The following MGAT5 variants were observed in gnomAD, a reference collection of about 807,000 sequenced individuals.
MGAT5 encodes the protein alpha-1,6-mannosylglycoprotein 6-beta-N-acetylglucosaminyltransferase A.
MGAT5 carries 30 observed loss-of-function variants against 94.3 expected under a neutral mutation model. The ratio of observed to expected loss-of-function variants is 0.32; its 90% CI spans 0.24 to 0.43. The LOEUF is 0.43. Ranked by LOEUF, MGAT5 falls within the 20% of genes least tolerant of loss-of-function variation. The probability of loss-of-function intolerance (pLI) is 1.00; values close to 1 mark genes in which losing one functional copy is unlikely to be tolerated. For missense variants in MGAT5, 691 were observed against 905.5 expected (o/e 0.76, Z 3.04); for synonymous variants, 310 against 322.9 (o/e 0.96, Z 0.43).
intron 1 of MGAT5, among the ~76,000 whole-genome samples, chr2:134,269,160 A>T (rs902512034): frequency 6.6e-6 from 1 of 152,318 alleles, no homozygotes; most frequent in Non-Finnish European, 1.5e-5. Flanking sequence ...AAAGAGGTTT[A>T]TTTGGCTCAA....
intron 1 of MGAT5, among the ~76,000 whole-genome samples, chr2:134,125,450 C>T (rs1685799412): frequency 6.6e-6 from 1 of 152,124 alleles, no homozygotes; most frequent in Admixed American, 6.5e-5. Flanking sequence ...GCCGAGAGGG[C>T]TTCATAGATA....
chr2:134,293,556 C>T (rs916973262), intron 2 of MGAT5, among the ~76,000 whole-genome samples: 4 of 152,088 alleles, frequency 2.6e-5, no homozygotes, highest in Non-Finnish European at 5.9e-5. Context: ...GCAACCTCTG[C>T]CCACCAGGCT....
At chr2:134,445,405 C>T (rs1685714448) in intron 15 of MGAT5, among the ~76,000 whole-genome samples, 2 of 151,734 alleles carry the variant, frequency 1.3e-5, no homozygotes, top group African/African-American at 4.8e-5. Flanking sequence ...ACAGAGCCCT[C>T]AAGAGAGGGG....
At chr2:134,375,858 TAGTGCTGGCTTTCACC>T (rs1681136432) in intron 10 of MGAT5, among the ~76,000 whole-genome samples, 1 of 152,170 alleles carries the variant, frequency 6.6e-6, no homozygotes, top group South Asian at 2.1e-4. Flanking sequence ...AGAAAGTCAG[TAGTGCTGGCTTTCACC>T]AAGTATTTTC....
chr2:134,222,859 A>G (rs1680859305), intron 1 of MGAT5, among the ~76,000 whole-genome samples: 1 of 149,174 alleles, frequency 6.7e-6, no homozygotes, highest in African/African-American at 2.5e-5. Flanking sequence ...ATAAAACCAA[A>G]AGGCAAAGTT....
chr2:134,183,616 A>G (rs1056025559), intron 1 of MGAT5, among the ~76,000 whole-genome samples: 1 of 152,178 alleles, frequency 6.6e-6, no homozygotes, highest in African/African-American at 2.4e-5. Context: ...GGCCAGGAGG[A>G]GCTGAAATTG....
intron 1 of MGAT5, among the ~76,000 whole-genome samples, chr2:134,243,300 A>G (rs1327068273): frequency 1.3e-5 from 2 of 152,082 alleles, no homozygotes; most frequent in Non-Finnish European, 2.9e-5. Flanking sequence ...TATGTACATC[A>G]TAGTTGGGAG....
chr2:134,179,756 A>C (rs961642927), intron 1 of MGAT5, among the ~76,000 whole-genome samples: 2 of 152,226 alleles, frequency 1.3e-5, no homozygotes, highest in African/African-American at 4.8e-5. Context: ...GAGTAACTCC[A>C]TCTTAAATAG....
chr2:134,129,569 T>C (rs992404664), intron 1 of MGAT5, among the ~76,000 whole-genome samples: 6 of 152,182 alleles, frequency 3.9e-5, no homozygotes, highest in Admixed American at 6.5e-5. Context: ...TTTACTGTTA[T>C]AGGATCTGTT....
intron 1 of MGAT5, among the ~76,000 whole-genome samples, chr2:134,186,006 A>G (rs575380489): frequency 6.6e-6 from 1 of 152,336 alleles, no homozygotes; most frequent in African/African-American, 2.4e-5. Context: ...GGAACCGTAG[A>G]TTATGAATAG....
chr2:134,186,507 A>G (rs570980759), intron 1 of MGAT5, among the ~76,000 whole-genome samples: 1 of 152,170 alleles, frequency 6.6e-6, no homozygotes, highest in African/African-American at 2.4e-5. Context: ...GCCTTTTTGC[A>G]TACATGTTGG....
chr2:134,205,903 A>G (rs552251517), intron 1 of MGAT5, among the ~76,000 whole-genome samples: 1 of 152,306 alleles, frequency 6.6e-6, no homozygotes, highest in East Asian at 1.9e-4. Flanking sequence ...CCCTGCAGAG[A>G]TGTTAGAAAA....
intron 11 of MGAT5, among the ~76,000 whole-genome samples, chr2:134,403,567 TA>T (rs1683177969): frequency 6.6e-6 from 1 of 152,178 alleles, no homozygotes. Flanking sequence ...GTTCACCAAG[TA>T]CGCATTGGAC....
chr2:134,263,913 T>G (rs1683491965), intron 1 of MGAT5, among the ~76,000 whole-genome samples: 1 of 144,900 alleles, frequency 6.9e-6, no homozygotes, highest in South Asian at 2.2e-4. Flanking sequence ...CCTTTAGTTC[T>G]TTAAAAAAAA....
chr2:134,173,781 C>T (rs1022343433), intron 1 of MGAT5, among the ~76,000 whole-genome samples: 1 of 152,198 alleles, frequency 6.6e-6, no homozygotes, highest in African/African-American at 2.4e-5. Context: ...ACTTAACTGC[C>T]ATTGACATTT....
Position 134,453,147 on chromosome 2 carries a change from C to T in MGAT5, c.*4300C>T, listed in dbSNP as rs1686189879. ...CTTGAGAAATAGAGCTGAGCTCATT[C>T]CCTTCCTGTTGATTCAAAAATAATA... On this transcript the variant is annotated 3_prime_UTR_variant, in exon 16 of 16. Coordinates refer to ENST00000281923, the MANE Select transcript of MGAT5 (RefSeq NM_002410.5). 1 of 152,216 alleles carries T rather than the reference C, an allele frequency of 6.6e-6. No homozygotes were observed. Among genetic ancestry groups the T allele is most frequent in the Non-Finnish European group, 1.5e-5 (1 of 68,052 alleles). 9.4% of individuals were successfully genotyped at this position (152,216 alleles called of 1,614,324 possible).
At chr2:134,406,655 C>T (rs1010842950) in intron 11 of MGAT5, among the ~76,000 whole-genome samples, 3 of 151,444 alleles carry the variant, frequency 2.0e-5, no homozygotes, top group Non-Finnish European at 2.9e-5. Context: ...GAGGCTGAGT[C>T]GGGCAAATTG....
At chr2:134,385,988 T>C (rs1177294419) in intron 10 of MGAT5, among the ~76,000 whole-genome samples, 1 of 152,152 alleles carries the variant, frequency 6.6e-6, no homozygotes, top group Admixed American at 6.5e-5. Context: ...AAATCTCAGA[T>C]GGTGAGATAA....
chr2:134,287,734 T>A (rs961660939), intron 2 of MGAT5, among the ~76,000 whole-genome samples: 4 of 152,224 alleles, frequency 2.6e-5, no homozygotes, highest in African/African-American at 9.6e-5. Context: ...CCCTATCCAC[T>A]GTTGTGAATC....
Sources: allele counts gnomAD v4.1 joint callset (sites outside exome capture counted in the v4.1 genomes callset), GRCh38; gene constraint gnomAD v4.1.1; transcripts MANE v1.5; gene names NCBI Gene and HGNC (gene_info 2026-07-23, HGNC 2026-07-21).